ZNF25: variants seen among roughly 807,000 people sequenced by gnomAD.
ZNF25 encodes zinc finger protein 25 (KOX 19).
A neutral mutation model predicts 30.9 loss-of-function variants in ZNF25; 21 were observed. The ratio of observed to expected loss-of-function variants is 0.68; its 90% CI spans 0.48 to 0.98. The LOEUF is 0.98. Ranked by LOEUF, ZNF25 falls within the 50% of genes least tolerant of loss-of-function variation. ZNF25 has a pLI of 0.00. For synonymous variants in ZNF25, 169 were observed against 181.3 expected, an observed-to-expected ratio of 0.93 and a Z score of 0.55; for missense variants, 501 against 529.9, an observed-to-expected ratio of 0.95 and a Z score of 0.54.
intron 2 of ZNF25, among the ~76,000 whole-genome samples, chr10:37,958,097 T>C (rs573744484): frequency 9.2e-5 from 14 of 152,326 alleles, no homozygotes; most frequent in African/African-American, 3.4e-4. Flanking sequence ...CATATCCCTG[T>C]CACTAAGTGA....
intron 1 of ZNF25, among the ~76,000 whole-genome samples, chr10:37,975,943 ATT>A (rs1412005696): frequency 1.3e-5 from 2 of 152,156 alleles, no homozygotes; most frequent in Non-Finnish European, 2.9e-5. Flanking sequence ...GGGTAAACGG[ATT>A]TCTCTCTCTG....
chr10:37,953,095 CTA>C lies in ZNF25; in HGVS notation c.401_402del (p.Ile134SerfsTer13). 6.2e-7 allele frequency: 1 copy of C among 1,613,740 alleles called. No individual in the cohort carries two copies. ...GKFFCQKSAL[I>X]VHQHTHSKGK... ...CCCTTTGAGTGAGTATGCTGATGTA[CTA>C]TGAGGGCAGACTTCTGGCAGAAGAA... On this transcript the variant is annotated frameshift_variant, in exon 6 of 6. Transcript: ENST00000302609. LOFTEE classifies it high-confidence loss of function.
At chr10:37,964,968 C>A (rs971437558) in intron 2 of ZNF25, among the ~76,000 whole-genome samples, 1 of 152,204 alleles carries the variant, frequency 6.6e-6, no homozygotes, top group Non-Finnish European at 1.5e-5. Flanking sequence ...CTCTGTGCAG[C>A]CTTGTGACAC....
chr10:37,956,251 A>C (rs1389766650), intron 4 of ZNF25, among the ~76,000 whole-genome samples: 2 of 152,232 alleles, frequency 1.3e-5, no homozygotes, highest in Non-Finnish European at 2.9e-5. Context: ...ACCGATTTTT[A>C]ATCTGAGCTC....
chr10:37,957,823 A>T (rs1213056092), intron 2 of ZNF25, among the ~76,000 whole-genome samples: 2 of 152,224 alleles, frequency 1.3e-5, no homozygotes, highest in African/African-American at 4.8e-5. Flanking sequence ...AGTAATGACA[A>T]ATTCCATATA....
chr10:37,960,397 G>A (rs980149139), intron 2 of ZNF25, among the ~76,000 whole-genome samples: 3 of 150,550 alleles, frequency 2.0e-5, no homozygotes, highest in African/African-American at 7.3e-5. Flanking sequence ...GGCGGATCAC[G>A]AGGTCAGGAG....
intron 1 of ZNF25, among the ~76,000 whole-genome samples, chr10:37,972,895 C>T (rs1217901633): frequency 3.9e-5 from 6 of 152,126 alleles, no homozygotes; most frequent in Non-Finnish European, 2.9e-5. Context: ...AGGCCAGGCA[C>T]GGTGGCTCAC....
chr10:37,957,254 G>A, intron 3 of ZNF25, 139 bp from the exon 4 acceptor site: 1 of 1,243,414 alleles, frequency 8.0e-7, no homozygotes, highest in South Asian at 1.5e-5. Context: ...AGCGGGGAGA[G>A]AGGGACACAA....
At chr10:37,959,235 T>G (rs866339267) in intron 2 of ZNF25, among the ~76,000 whole-genome samples, 1 of 152,104 alleles carries the variant, frequency 6.6e-6, no homozygotes, top group Non-Finnish European at 1.5e-5. Flanking sequence ...ACTGGAGTTA[T>G]AGGGGTAAAT....
chr10:37,975,781 G>T (rs2063774029), intron 1 of ZNF25, among the ~76,000 whole-genome samples: 1 of 152,168 alleles, frequency 6.6e-6, no homozygotes, highest in Non-Finnish European at 1.5e-5. Flanking sequence ...ACCTGGTTGA[G>T]ACTGGGTTCA....
At position 37,970,298 on chromosome 10, in the gene ZNF25, G is replaced by C. The variant is rs538087709; in HGVS notation, c.15+1410C>G. On this transcript the variant is annotated intron_variant, in intron 2 of 5. Transcript: ENST00000302609. ...AACACATTGTGACCAATTTACCCTG[G>C]CAATGCAAGGTTGATTCCACATTTG... is the stretch of plus-strand genomic sequence containing the variant. 6.6e-5 allele frequency among the ~76,000 whole-genome samples: 10 copies of C among 152,098 alleles called. No individual in the cohort carries two copies. In the East Asian group the frequency reaches 1.7e-3, roughly 26 times the overall value.
At chr10:37,971,609 T>G in intron 2 of ZNF25, 99 bp downstream of exon 2, 1 of 1,566,218 alleles carries the variant, frequency 6.4e-7, no homozygotes, top group Non-Finnish European at 8.7e-7. Flanking sequence ...GTATATGGGC[T>G]CTCGTTCATA....
chr10:37,951,984 A>C lies in ZNF25; in HGVS notation c.*143T>G, dbSNP rs1235307830. 1.5e-6 allele frequency: 1 copy of C among 645,710 alleles called. No homozygotes were observed. The highest frequency in any genetic ancestry group is 1.8e-5 in the African/African-American group (1 of 54,366). 40.0% of individuals were successfully genotyped at this position (645,710 alleles called of 1,614,324 possible). ...CCAAATAAATGTACAGAATCTCTCT[A>C]TGTATTTGCTGATACACAGAGAGAG... On this transcript the variant is annotated 3_prime_UTR_variant, in exon 6 of 6. Coordinates refer to ENST00000302609, the MANE Select transcript of ZNF25 (RefSeq NM_145011.4).
intron 5 of ZNF25, 72 bp downstream of exon 5, chr10:37,953,623 C>T: frequency 7.1e-7 from 1 of 1,405,610 alleles, no homozygotes; most frequent in Non-Finnish European, 1.0e-6. Context: ...CTAGTGCCCT[C>T]CCATTTCTAG....
rs147144399 is a variant in ZNF25, at chr10:37,970,101, T to C, written c.15+1607A>G. 3.9e-4 allele frequency among the ~76,000 whole-genome samples: 59 copies of C among 152,292 alleles called. 2 individuals are homozygous for C. Among genetic ancestry groups the C allele is most frequent in the African/African-American group, 1.2e-3 (51 of 41,568 alleles). On this transcript the variant is annotated intron_variant, in intron 2 of 5. Transcript: ENST00000302609. ...AAATTTGCCATGGTGGGAGTATTTA[T>C]ACCACAGAAATTGGTAAACAGTATA...
chr10:37,966,120 T>C lies in ZNF25; in HGVS notation c.15+5588A>G, dbSNP rs148411543. ...GGGTATTAGTGTGTTATCACATTGC[T>C]ATAAAGAACTACCTAAGGCTTGGCG... On this transcript the variant is annotated intron_variant, in intron 2 of 5. Coordinates refer to ENST00000302609, the MANE Select transcript of ZNF25 (RefSeq NM_145011.4). 9.2e-3 allele frequency among the ~76,000 whole-genome samples: 1,406 copies of C among 152,170 alleles called. 22 individuals carry two copies. Among genetic ancestry groups the C allele is most frequent in the African/African-American group, 0.032 (1,343 of 41,528 alleles).
chr10:37,964,668 G>A (rs2063085149), intron 2 of ZNF25, among the ~76,000 whole-genome samples: 1 of 152,180 alleles, frequency 6.6e-6, no homozygotes, highest in African/African-American at 2.4e-5. Context: ...AAATATAGGA[G>A]CAAAGAAATG....
intron 2 of ZNF25, among the ~76,000 whole-genome samples, chr10:37,959,599 T>C (rs1401507130): frequency 6.6e-6 from 1 of 152,084 alleles, no homozygotes; most frequent in East Asian, 1.9e-4. Flanking sequence ...TATAAATTCT[T>C]GGTTCATTTT....
At position 37,957,550 on chromosome 10, in the gene ZNF25, G is replaced by C. The variant is rs1010307309; in HGVS notation, c.16-4C>G. On this transcript the variant is annotated splice_region_variant and splice_polypyrimidine_tract_variant and intron_variant, in intron 2 of 5. Coordinates refer to ENST00000302609, the MANE Select transcript of ZNF25 (RefSeq NM_145011.4). ...CATCCTTTAATGTCACGGGTCCCTGGAATAACATACTTCAGTTCAATTTGA... is the reference window on the plus strand; with the variant it reads ...CATCCTTTAATGTCACGGGTCCCTGCAATAACATACTTCAGTTCAATTTGA... 4.3e-6 allele frequency: 7 copies of C among 1,611,984 alleles called. No homozygotes were observed. The highest frequency in any genetic ancestry group is 5.9e-6 in the Non-Finnish European group (7 of 1,179,142).
Sources: allele counts gnomAD v4.1 joint callset (sites outside exome capture counted in the v4.1 genomes callset), GRCh38; gene constraint gnomAD v4.1.1; transcripts MANE v1.5; gene names NCBI Gene and HGNC (gene_info 2026-07-23, HGNC 2026-07-21).